The following JAM3 variants were observed in gnomAD, a reference collection of about 807,000 sequenced individuals.
JAM3 encodes the protein junctional adhesion molecule C.
In JAM3, 31 loss-of-function variants were observed where a neutral mutation model predicts 39.4. The ratio of observed to expected loss-of-function variants is 0.79; its 90% CI spans 0.59 to 1.06. JAM3 has a LOEUF of 1.06. Among genes scored for constraint, JAM3 ranks in the 50% least tolerant of loss-of-function variants. The probability of loss-of-function intolerance (pLI) is 0.00; values close to 1 mark genes in which losing one functional copy is unlikely to be tolerated. For synonymous variants in JAM3, 182 were observed against 148.7 expected (o/e 1.22, Z -1.63); for missense variants, 455 against 391.4 (o/e 1.16, Z -1.37).
chr11:134,146,141 G>A lies in JAM3; in HGVS notation c.712+96G>A, dbSNP rs77908320. On this transcript the variant is annotated intron_variant, in intron 6 of 8. Transcript: ENST00000299106. ...TACCATCAGCTTAGAGAACTCTTCC[G>A]CCATGGGTTAGCTTTCTTCTGGAGC... is the stretch of plus-strand genomic sequence containing the variant. 3,440 of 879,242 alleles carry A rather than the reference G, an allele frequency of 3.9e-3. 67 individuals carry two copies. The highest frequency in any genetic ancestry group is 0.032 in the East Asian group (1,219 of 37,642). 54.5% of individuals were successfully genotyped at this position (879,242 alleles called of 1,614,324 possible).
Position 134,136,606 on chromosome 11 carries a change from A to G in JAM3, c.77-3245A>G, listed in dbSNP as rs1017331785. 3.3e-5 allele frequency among the ~76,000 whole-genome samples: 5 copies of G among 152,344 alleles called. No individual in the cohort carries two copies. The East Asian group carries it at 5.8e-4, about 18-fold the overall frequency. On this transcript the variant is annotated intron_variant, in intron 1 of 8. Transcript: ENST00000299106. The stretch of plus-strand genomic sequence containing the variant: ...ACCTTATCTGATGTAGTGCCCAGCC[A>G]TTGCAGATAGTCATTTAAGCTAGAA...
At chr11:134,137,767 G>T in intron 1 of JAM3, among the ~76,000 whole-genome samples, 1 of 82,812 alleles carries the variant, frequency 1.2e-5, no homozygotes, top group Non-Finnish European at 2.4e-5. Flanking sequence ...CATACTGAGA[G>T]AAATGTTTAT....
chr11:134,087,051 T>C (rs1444484025), intron 1 of JAM3, among the ~76,000 whole-genome samples: 1 of 152,074 alleles, frequency 6.6e-6, no homozygotes, highest in African/African-American at 2.4e-5. Flanking sequence ...GCGATCCTCC[T>C]CCCTCAGTCT....
chr11:134,139,423 G>A (rs1470822608), intron 1 of JAM3, among the ~76,000 whole-genome samples: 1 of 152,208 alleles, frequency 6.6e-6, no homozygotes, highest in Non-Finnish European at 1.5e-5. Context: ...AAGAGTTCCA[G>A]CCCAAGAGTC....
In JAM3 at chr11:134,148,770, G is replaced by C. The variant is rs1248014206; in HGVS notation, c.849G>C (p.Lys283Asn). ...TGCTCTCTTCTCCTCATAGTTACAA[G>C]AACCCAGGGAAACCAGATGGAGTTA... ...INNKQDGESY[K>N]NPGKPDGVNY... Residue 283 changes from lysine (K) to asparagine (N), a missense_variant, in exon 8 of 9, where the codon AAG becomes AAC. Physicochemically the swap from Lys to Asn is moderately conservative, Grantham distance 94. Coordinates refer to ENST00000299106, the MANE Select transcript of JAM3 (RefSeq NM_032801.5). The C allele has an allele frequency of 6.2e-7, 1 of 1,614,110 alleles. No homozygotes were observed. Among genetic ancestry groups the C allele is most frequent in the Non-Finnish European group, 8.5e-7 (1 of 1,180,002 alleles).
intron 1 of JAM3, among the ~76,000 whole-genome samples, chr11:134,098,578 C>T (rs1049589192): frequency 6.6e-6 from 1 of 152,148 alleles, no homozygotes; most frequent in African/African-American, 2.4e-5. Flanking sequence ...GGTCAGTTGT[C>T]TTCCTTATAT....
chr11:134,123,768 T>A (rs1565497073), intron 1 of JAM3: 7 of 678,272 alleles, frequency 1.0e-5, no homozygotes, highest in Non-Finnish European at 1.4e-5. Flanking sequence ...CATTTCCAGG[T>A]ACCAAGGGTT....
chr11:134,090,519 AAGT>A (rs1427443841), intron 1 of JAM3, among the ~76,000 whole-genome samples: 1 of 152,210 alleles, frequency 6.6e-6, no homozygotes, highest in African/African-American at 2.4e-5. Context: ...AGCTGAGTAA[AAGT>A]AGTTGTCAGA....
chr11:134,124,103 AT>A, intron 1 of JAM3: 2 of 1,488,496 alleles, frequency 1.3e-6, no homozygotes, highest in Non-Finnish European at 1.9e-6. Context: ...CTACTATCTG[AT>A]TAGGGGGTGG....
chr11:134,084,220 T>C (rs1407973097), intron 1 of JAM3, among the ~76,000 whole-genome samples: 1 of 152,184 alleles, frequency 6.6e-6, no homozygotes, highest in Non-Finnish European at 1.5e-5. Flanking sequence ...TCTTAACTCA[T>C]TCCCCAACAT....
chr11:134,069,888 CT>C (rs1376363419), intron 1 of JAM3, among the ~76,000 whole-genome samples: 1 of 152,188 alleles, frequency 6.6e-6, no homozygotes, highest in Non-Finnish European at 1.5e-5. Context: ...AATCCAGTAC[CT>C]TTTTTGTCTC....
chr11:134,107,226 G>A (rs137939468), intron 1 of JAM3, among the ~76,000 whole-genome samples: 9,264 of 152,014 alleles, frequency 0.061, 320 homozygotes, highest in East Asian at 0.11. Context: ...GCAAACTATC[G>A]CAAGGACAAA....
intron 1 of JAM3, among the ~76,000 whole-genome samples, chr11:134,136,640 G>T (rs1942869800): frequency 6.6e-6 from 1 of 152,204 alleles, no homozygotes; most frequent in African/African-American, 2.4e-5. Flanking sequence ...AACTTTACAT[G>T]ACTTGTAGTG....
At chr11:134,075,765 G>A (rs1268815077) in intron 1 of JAM3, among the ~76,000 whole-genome samples, 1 of 152,030 alleles carries the variant, frequency 6.6e-6, no homozygotes, top group Non-Finnish European at 1.5e-5. Context: ...TATATGTTGT[G>A]GTTTGTATAC....
At position 134,149,618 on chromosome 11, in the gene JAM3, AACCCAGAAAAGG is replaced by A. The variant is rs1943153241; in HGVS notation, c.*438_*449del. On this transcript the variant is annotated 3_prime_UTR_variant, in exon 9 of 9. Coordinates refer to ENST00000299106, the MANE Select transcript of JAM3 (RefSeq NM_032801.5). ...AGCACCAGCAGCGCATCCCGGCGGGAACCCAGAAAAGGCTTCTTACACAGCAGCCTTACTTCA... is the reference window on the plus strand; with the variant it reads ...AGCACCAGCAGCGCATCCCGGCGGGACTTCTTACACAGCAGCCTTACTTCA... 1 of 462,456 alleles carries A rather than the reference AACCCAGAAAAGG, an allele frequency of 2.2e-6. No individual in the cohort carries two copies. The highest frequency in any genetic ancestry group is 4.3e-6 in the Non-Finnish European group (1 of 231,332). 28.6% of individuals were successfully genotyped at this position (462,456 alleles called of 1,614,324 possible).
intron 5 of JAM3, 153 bp downstream of exon 5, chr11:134,145,147 CT>C (rs1943048777): frequency 5.6e-6 from 4 of 708,320 alleles, no homozygotes; most frequent in Non-Finnish European, 1.0e-5. Flanking sequence ...AAAAATGACC[CT>C]TCTTCCTTTT....
At chr11:134,148,917 G>C (rs898306543) in intron 8 of JAM3, 99 bp downstream of exon 8, 20 of 1,260,232 alleles carry the variant, frequency 1.6e-5, no homozygotes, top group Non-Finnish European at 2.2e-5. Context: ...ATTTCTGAGT[G>C]ATTGTGCAGC....
intron 1 of JAM3, among the ~76,000 whole-genome samples, chr11:134,080,292 G>A (rs1272366419): frequency 6.6e-6 from 1 of 152,184 alleles, no homozygotes; most frequent in Admixed American, 6.5e-5. Context: ...AGACCTTGGG[G>A]TAACGTCAGT....
intron 1 of JAM3, among the ~76,000 whole-genome samples, chr11:134,073,574 C>G (rs975566246): frequency 6.6e-6 from 1 of 152,132 alleles, no homozygotes; most frequent in African/African-American, 2.4e-5. Flanking sequence ...CAGTTTAGTA[C>G]AACACCCATT....
Sources: gnomAD v4.1 joint callset for allele counts (sites outside exome capture counted in the v4.1 genomes callset) on GRCh38, gnomAD v4.1.1 for gene constraint, MANE v1.5 for transcripts, NCBI Gene and HGNC (gene_info 2026-07-23, HGNC 2026-07-21) for gene names.